The following KCNQ5 variants were observed in gnomAD, a reference collection of about 807,000 sequenced individuals.
KCNQ5 encodes the protein potassium voltage-gated channel subfamily Q member 5, also known as potassium voltage-gated channel subfamily KQT member 5.
A neutral mutation model predicts 98.2 loss-of-function variants in KCNQ5; 30 were observed. That is an observed-to-expected ratio of 0.31 (90% CI 0.23 to 0.41). The LOEUF is 0.41. Among genes scored for constraint, KCNQ5 ranks in the 10% least tolerant of loss-of-function variants. KCNQ5 has a pLI of 1.00. For missense variants in KCNQ5, 835 were observed against 1,182.5 expected (o/e 0.71, Z 4.31); for synonymous variants, 458 against 449.4 (o/e 1.02, Z -0.24).
At chr6:73,039,424 G>A (rs907221374) in intron 2 of KCNQ5, among the ~76,000 whole-genome samples, 2 of 151,904 alleles carry the variant, frequency 1.3e-5, no homozygotes, top group Non-Finnish European at 2.9e-5. Context: ...TTATTAATAT[G>A]AGAACTTTCT....
At chr6:72,723,710 CTTT>C (rs1770101986) in intron 1 of KCNQ5, among the ~76,000 whole-genome samples, 1 of 151,508 alleles carries the variant, frequency 6.6e-6, no homozygotes, top group Non-Finnish European at 1.5e-5. Context: ...ACCTTAAGTA[CTTT>C]AAAATCCATT....
intron 1 of KCNQ5, among the ~76,000 whole-genome samples, chr6:72,764,211 G>A (rs563261009): frequency 3.3e-5 from 5 of 151,784 alleles, no homozygotes; most frequent in South Asian, 2.1e-4. Flanking sequence ...AATTAGGCTC[G>A]ATTCTAAATT....
intron 1 of KCNQ5, among the ~76,000 whole-genome samples, chr6:72,930,367 A>G (rs1488410639): frequency 6.6e-6 from 1 of 152,134 alleles, no homozygotes; most frequent in Non-Finnish European, 1.5e-5. Context: ...TAAATGTAAA[A>G]CATACCTCTT....
At chr6:73,055,338 C>T in intron 3 of KCNQ5, 4 of 1,433,928 alleles carry the variant, frequency 2.8e-6, no homozygotes, top group Non-Finnish European at 3.9e-6. Flanking sequence ...ATAGTGAGGA[C>T]TTGGCGCCTC....
intron 1 of KCNQ5, among the ~76,000 whole-genome samples, chr6:72,842,924 C>T (rs535173324): frequency 1.1e-3 from 165 of 152,240 alleles, no homozygotes; most frequent in African/African-American, 3.8e-3. Flanking sequence ...AATTTTCTCC[C>T]ATTCTGTAGG....
At chr6:72,918,815 C>T (rs1210017705) in intron 1 of KCNQ5, among the ~76,000 whole-genome samples, 3 of 152,094 alleles carry the variant, frequency 2.0e-5, no homozygotes, top group African/African-American at 7.2e-5. Flanking sequence ...GAACTAAAAT[C>T]ATGCAAACAA....
intron 1 of KCNQ5, among the ~76,000 whole-genome samples, chr6:72,770,102 G>A (rs886811622): frequency 6.6e-6 from 1 of 152,146 alleles, no homozygotes; most frequent in African/African-American, 2.4e-5. Context: ...GCTTAAATGG[G>A]AGATATGGTT....
chr6:72,838,949 CAAAAA>C (rs67894922), intron 1 of KCNQ5, among the ~76,000 whole-genome samples: 32 of 58,720 alleles, frequency 5.4e-4, no homozygotes, highest in African/African-American at 1.4e-3. Context: ...GACTCCGTCT[CAAAAA>C]AAAAAAAAAA....
At chr6:72,698,015 A>T (rs539146706) in intron 1 of KCNQ5, among the ~76,000 whole-genome samples, 1 of 152,312 alleles carries the variant, frequency 6.6e-6, no homozygotes, top group African/African-American at 2.4e-5. Context: ...CACTAGTTCA[A>T]TACCAGCCTG....
intron 1 of KCNQ5, among the ~76,000 whole-genome samples, chr6:72,789,165 G>GTT (rs1248701866): frequency 6.6e-6 from 1 of 152,088 alleles, no homozygotes; most frequent in African/African-American, 2.4e-5. Context: ...GTGTGTGTGT[G>GTT]TGTGTGTGTG....
At chr6:72,986,991 A>C in intron 1 of KCNQ5, 1 of 792,810 alleles carries the variant, frequency 1.3e-6, no homozygotes, top group Non-Finnish European at 2.1e-6. Flanking sequence ...GGTGAAGAAG[A>C]AGAAAACAAA....
intron 7 of KCNQ5, among the ~76,000 whole-genome samples, chr6:73,116,796 G>T (rs941823786): frequency 1.3e-5 from 2 of 152,144 alleles, no homozygotes; most frequent in Non-Finnish European, 1.5e-5. Flanking sequence ...AGGGATTGCT[G>T]GTTCATAGCC....
intron 5 of KCNQ5, among the ~76,000 whole-genome samples, chr6:73,079,340 C>T (rs1335288130): frequency 1.3e-5 from 2 of 152,094 alleles, no homozygotes; most frequent in African/African-American, 4.8e-5. Flanking sequence ...TAGATTGTTG[C>T]CAAAATAAAA....
chr6:72,962,153 G>A (rs1439705616), intron 1 of KCNQ5, among the ~76,000 whole-genome samples: 4 of 148,642 alleles, frequency 2.7e-5, no homozygotes, highest in Admixed American at 2.0e-4. Context: ...ACTCTAACCT[G>A]GGTGACAGAG....
At chr6:72,990,310 G>T (rs1347163985) in intron 1 of KCNQ5, among the ~76,000 whole-genome samples, 10 of 66,802 alleles carry the variant, frequency 1.5e-4, no homozygotes, top group Non-Finnish European at 2.6e-4. Flanking sequence ...TCTTCCATTT[G>T]TTTGTGTCCT....
intron 1 of KCNQ5, among the ~76,000 whole-genome samples, chr6:72,830,710 G>A (rs1582374452): frequency 1.3e-5 from 2 of 152,130 alleles, no homozygotes; most frequent in Admixed American, 1.3e-4. Flanking sequence ...AAAAGCAATG[G>A]CAACAAAAGC....
intron 1 of KCNQ5, among the ~76,000 whole-genome samples, chr6:72,974,341 T>C (rs1039898083): frequency 2.0e-5 from 3 of 151,738 alleles, no homozygotes; most frequent in Admixed American, 6.6e-5. Context: ...GCTATAAATC[T>C]TTCTCTCTTC....
intron 1 of KCNQ5, among the ~76,000 whole-genome samples, chr6:72,693,146 G>T (rs1003607720): frequency 6.6e-6 from 1 of 152,146 alleles, no homozygotes; most frequent in African/African-American, 2.4e-5. Context: ...TAGGAAATGG[G>T]TGGGAGAACC....
chr6:72,747,776 T>TA (rs1308775472), intron 1 of KCNQ5, among the ~76,000 whole-genome samples: 1 of 152,206 alleles, frequency 6.6e-6, no homozygotes, highest in Non-Finnish European at 1.5e-5. Flanking sequence ...TTATAATGCT[T>TA]AAAAAATGTA....
Sources: allele counts gnomAD v4.1 joint callset (sites outside exome capture counted in the v4.1 genomes callset), GRCh38; gene constraint gnomAD v4.1.1; transcripts MANE v1.5; gene names NCBI Gene and HGNC (gene_info 2026-07-23, HGNC 2026-07-21).